LRRC8B: variants seen among roughly 807,000 people sequenced by gnomAD.
The protein encoded by LRRC8B is volume-regulated anion channel subunit LRRC8B.
In LRRC8B, 23 loss-of-function variants were observed where a neutral mutation model predicts 58.8. That is an observed-to-expected ratio of 0.39 (90% CI 0.28 to 0.55). The LOEUF (loss-of-function observed/expected upper bound fraction) is 0.55. Ranked by LOEUF, LRRC8B falls within the 20% of genes least tolerant of loss-of-function variation. The pLI is 0.62. For synonymous variants in LRRC8B, 359 were observed against 374.1 expected (o/e 0.96, Z 0.47); for missense variants, 694 against 936.0 (o/e 0.74, Z 3.37).
At chr1:89,536,822 G>A (rs190926195) in intron 1 of LRRC8B, among the ~76,000 whole-genome samples, 5 of 152,202 alleles carry the variant, frequency 3.3e-5, no homozygotes, top group South Asian at 4.1e-4. Context: ...AAGCTGATTC[G>A]AGTCATGGTA....
intron 3 of LRRC8B, among the ~76,000 whole-genome samples, chr1:89,570,630 T>C (rs1286788033): frequency 2.0e-5 from 3 of 152,216 alleles, no homozygotes; most frequent in Admixed American, 6.5e-5. Flanking sequence ...GTCAGATGCA[T>C]AGTTTGCAAA....
At chr1:89,544,496 A>C (rs113740861) in intron 1 of LRRC8B, among the ~76,000 whole-genome samples, 35 of 152,310 alleles carry the variant, frequency 2.3e-4, no homozygotes, top group African/African-American at 8.2e-4. Context: ...TCCAAAGTTG[A>C]AAAATCCTTT....
intron 1 of LRRC8B, among the ~76,000 whole-genome samples, chr1:89,543,099 C>T (rs960861113): frequency 2.6e-4 from 40 of 152,172 alleles, no homozygotes; most frequent in African/African-American, 9.7e-4. Context: ...ATAGCTGTCT[C>T]AGGACCAGAT....
At position 89,594,377 on chromosome 1, in the gene LRRC8B, C is replaced by G. The variant is rs951925741; in HGVS notation, c.*1334C>G. On this transcript the variant is annotated 3_prime_UTR_variant, in exon 6 of 6. Transcript: ENST00000330947. Reference sequence around the variant, plus strand: ...GAGGGTGGCCGAATCATCTACCTCTCTCTTCCATAGTTGCTGTGCAATCGT... The same window carrying G: ...GAGGGTGGCCGAATCATCTACCTCTGTCTTCCATAGTTGCTGTGCAATCGT... 6.6e-6 allele frequency: 1 copy of G among 152,164 alleles called. No individual in the cohort carries two copies. Among genetic ancestry groups the G allele is most frequent in the East Asian group, 1.9e-4 (1 of 5,198 alleles). The allele number at this position is 152,164 out of a possible 1,614,324, so 9.4% of individuals were successfully genotyped here. A position where few individuals can be genotyped will look rare whatever the true frequency, so the allele number is the denominator to read the frequency against.
At chr1:89,579,193 T>C (rs1654056021) in intron 3 of LRRC8B, among the ~76,000 whole-genome samples, 1 of 152,242 alleles carries the variant, frequency 6.6e-6, no homozygotes, top group Non-Finnish European at 1.5e-5. Flanking sequence ...ATATGTCGAC[T>C]ACTTAGAAAA....
At chr1:89,553,472 G>T (rs1651962087) in intron 1 of LRRC8B, among the ~76,000 whole-genome samples, 1 of 152,136 alleles carries the variant, frequency 6.6e-6, no homozygotes, top group African/African-American at 2.4e-5. Flanking sequence ...TGTGTGTGTT[G>T]TAAATGACTG....
intron 1 of LRRC8B, among the ~76,000 whole-genome samples, chr1:89,564,938 A>G (rs1652938727): frequency 1.3e-5 from 2 of 152,308 alleles, no homozygotes; most frequent in South Asian, 2.1e-4. Context: ...GTGCATGACA[A>G]TTTGATTTTG....
chr1:89,557,399 G>A (rs1412029879), intron 1 of LRRC8B, among the ~76,000 whole-genome samples: 1 of 152,124 alleles, frequency 6.6e-6, no homozygotes, highest in East Asian at 1.9e-4. Flanking sequence ...CACTTTGCTA[G>A]TAAAAGAATT....
chr1:89,545,128 A>G (rs1651303982), intron 1 of LRRC8B, among the ~76,000 whole-genome samples: 2 of 152,110 alleles, frequency 1.3e-5, no homozygotes, highest in South Asian at 4.1e-4. Flanking sequence ...AGTTTTCTTG[A>G]TTCTTAATCC....
At chr1:89,526,797 T>C (rs1242201135) in intron 1 of LRRC8B, among the ~76,000 whole-genome samples, 1 of 152,246 alleles carries the variant, frequency 6.6e-6, no homozygotes, top group Non-Finnish European at 1.5e-5. Context: ...TACCATTCTT[T>C]GAAATGTGTT....
At chr1:89,568,764 C>A (rs2100999934) in intron 3 of LRRC8B, among the ~76,000 whole-genome samples, 1 of 152,048 alleles carries the variant, frequency 6.6e-6, no homozygotes, top group East Asian at 1.9e-4. Flanking sequence ...CATTTTTTAA[C>A]AGTAAAATCT....
chr1:89,552,559 A>G (rs1651900640), intron 1 of LRRC8B, among the ~76,000 whole-genome samples: 1 of 152,368 alleles, frequency 6.6e-6, no homozygotes, highest in Non-Finnish European at 1.5e-5. Context: ...CTTATAATTT[A>G]CAATAGATTA....
intron 1 of LRRC8B, chr1:89,559,160 T>G (rs1198495293): frequency 6.6e-6 from 1 of 152,178 alleles, no homozygotes; most frequent in East Asian, 1.9e-4. Flanking sequence ...AGCTTGGGGT[T>G]AGGGAGCTGG....
At chr1:89,551,879 A>T (rs368458033) in intron 1 of LRRC8B, among the ~76,000 whole-genome samples, 8 of 152,350 alleles carry the variant, frequency 5.3e-5, no homozygotes, top group African/African-American at 1.4e-4. Flanking sequence ...CTTAAAACAT[A>T]GTAGGCTCTC....
intron 1 of LRRC8B, among the ~76,000 whole-genome samples, chr1:89,542,925 C>T (rs541172765): frequency 1.3e-5 from 2 of 152,192 alleles, no homozygotes; most frequent in African/African-American, 4.8e-5. Context: ...TTAAGGCAAG[C>T]TCCACCTGAT....
chr1:89,577,724 C>G (rs116044942), intron 3 of LRRC8B, among the ~76,000 whole-genome samples: 2 of 152,008 alleles, frequency 1.3e-5, no homozygotes, highest in Admixed American at 1.3e-4. Flanking sequence ...AGTTTTAGTT[C>G]AGTAGAAAAT....
In LRRC8B at chr1:89,584,757, A is replaced by C; in HGVS notation, c.2107A>C (p.Asn703His). Residue 703 changes from asparagine to histidine, a missense_variant, in exon 5 of 6, where the codon AAT becomes CAT. By Grantham distance (68) the Asn-to-His change is moderately conservative. Around this residue, in one of 5 missense-constraint regions of LRRC8B, gnomAD observed 139 missense variants for 158.2 expected, o/e 0.88. Transcript: ENST00000330947. Reference protein sequence around the residue: ...FIPEEIQYLSNLQYFAVTNNN... With the variant: ...FIPEEIQYLSHLQYFAVTNNN... ...TCCAGAAGAAATCCAGTATCTGAGT[A>C]ATTTGCAGTACTTTGCTGTGACCAA... 1.2e-6 allele frequency: 2 copies of C among 1,610,662 alleles called. No individual in the cohort carries two copies. The highest frequency in any genetic ancestry group is 1.7e-6 in the Non-Finnish European group (2 of 1,178,620).
intron 5 of LRRC8B, 144 bp from the exon 6 acceptor site, chr1:89,592,627 C>T: frequency 1.4e-6 from 1 of 717,260 alleles, no homozygotes; most frequent in Admixed American, 2.8e-5. Flanking sequence ...TTTTCATCTA[C>T]TTCAAATTTA....
At chr1:89,591,897 G>C (rs1655000761) in intron 5 of LRRC8B, among the ~76,000 whole-genome samples, 1 of 152,186 alleles carries the variant, frequency 6.6e-6, no homozygotes, top group Admixed American at 6.5e-5. Context: ...GGGGTAGGGA[G>C]CGGTGGTATG....
Sources: gnomAD v4.1 joint callset for allele counts (sites outside exome capture counted in the v4.1 genomes callset) on GRCh38, gnomAD v4.1.1 for gene constraint, gnomAD v4.1.1 regional missense constraint, MANE v1.5 for transcripts, NCBI Gene and HGNC (gene_info 2026-07-23, HGNC 2026-07-21) for gene names.